PIDD1: variants seen among roughly 807,000 people sequenced by gnomAD.
The protein encoded by PIDD1 is p53-induced death domain-containing protein 1.
PIDD1 carries 72 observed loss-of-function variants against 80.0 expected under a neutral mutation model. That is an observed-to-expected ratio of 0.90 (90% CI 0.74 to 1.09). PIDD1 has a LOEUF of 1.09. Among genes scored for constraint, PIDD1 ranks in the 50% least tolerant of loss-of-function variants. The pLI is 0.00. For synonymous variants in PIDD1, 655 were observed against 543.5 expected, an observed-to-expected ratio of 1.21 and a Z score of -2.85; for missense variants, 1,329 against 1,228.3, an observed-to-expected ratio of 1.08 and a Z score of -1.23.
upstream of PIDD1, among the ~76,000 whole-genome samples, chr11:807,849 C>G (rs1169850674): frequency 6.6e-6 from 1 of 152,196 alleles, no homozygotes; most frequent in Non-Finnish European, 1.5e-5. Flanking sequence ...CAACTTGAAT[C>G]TATGTTCCCA....
At position 802,267 on chromosome 11, in the gene PIDD1, G is replaced by C. The variant is rs747776680; in HGVS notation, c.1104C>G (p.Val368=). The change falls in exon 6 of 16, where the codon GTC becomes GTG. Residue 368 remains valine, a synonymous_variant. Transcript: ENST00000347755. ...GCAGGGCGTCATGAGGACCCAGGGG[G>C]ACGAGGCCTGGCTCCGGCAGCAGCA... The part of the protein sequence containing the change: ...YRLLLPEPGL[V]PLGPHDALLS... The C allele has an allele frequency of 1.2e-6, 2 of 1,611,754 alleles. No individual in the cohort carries two copies. Among genetic ancestry groups the C allele is most frequent in the East Asian group, 4.5e-5 (2 of 44,886 alleles).
chr11:803,697 CCCCCACCCCAG>C, intron 2 of PIDD1, 110 bp from the exon 3 acceptor site: 2 of 1,250,076 alleles, frequency 1.6e-6, no homozygotes, highest in Non-Finnish European at 2.2e-6. Context: ...TCCCACCCCA[CCCCCACCCCAG>C]CCAGACAGGG....
Position 801,968 on chromosome 11 carries a change from G to T in PIDD1, c.1299C>A (p.Pro433=). ...DLETYLEEEA[P]QRLWAHCQVP... Reference sequence around the variant, plus strand: ...GGCAGGCCTGGGTGGCCCTCACCTGGGGTGCCTCTTCCTCCAGGTAGGTCT... The same window carrying T: ...GGCAGGCCTGGGTGGCCCTCACCTGTGGTGCCTCTTCCTCCAGGTAGGTCT... The change falls in exon 7 of 16, where the codon CCC becomes CCA. Residue 433 remains proline (P), a synonymous_variant. Coordinates refer to ENST00000347755, the MANE Select transcript of PIDD1 (RefSeq NM_145886.4). 1 of 1,599,868 alleles carries T rather than the reference G, an allele frequency of 6.3e-7. No homozygotes were observed. The highest frequency in any genetic ancestry group is 2.3e-5 in the East Asian group (1 of 44,168).
upstream of PIDD1, among the ~76,000 whole-genome samples, chr11:805,407 C>T (rs1865718196): frequency 6.6e-6 from 1 of 152,210 alleles, no homozygotes; most frequent in African/African-American, 2.4e-5. Flanking sequence ...GGACGCGACC[C>T]GTCCATCTGC....
At position 799,426 on chromosome 11, in the gene PIDD1, C is replaced by T; in HGVS notation, c.2614G>A (p.Val872Ile). Residue 872 changes from valine (V) to isoleucine (I), a missense_variant, in exon 16 of 16, where the codon GTC becomes ATC. By Grantham distance (29) the Val-to-Ile change is conservative. Coordinates refer to ENST00000347755, the MANE Select transcript of PIDD1 (RefSeq NM_145886.4). ...TACTTGCGGCGGCCGAGCTCCAAGA[C>T]TGCGCGCACCTCTTCAGCCACGTCC... ...RQDVAEEVRAVLELGRRKYQD... is the reference protein window; with the variant it reads ...RQDVAEEVRAILELGRRKYQD... The T allele has an allele frequency of 6.2e-7, 1 of 1,611,456 alleles. No homozygotes were observed. Among genetic ancestry groups the T allele is most frequent in the Non-Finnish European group, 8.5e-7 (1 of 1,179,892 alleles).
rs953381104 is a variant in PIDD1, at chr11:800,594, C to G, written c.1990G>C (p.Glu664Gln). The change falls in exon 12 of 16, where the codon GAG becomes CAG. Residue 664 changes from glutamate to glutamine, a missense_variant. Transcript: ENST00000347755. ...PEPSDTVEMF[E>Q]GEEFFAAFER... Reference sequence around the variant, plus strand: ...AAGGCCGCAAAGAACTCTTCGCCCTCGAACATCTCCACCGTGTCAGAGGGC... The same window carrying G: ...AAGGCCGCAAAGAACTCTTCGCCCTGGAACATCTCCACCGTGTCAGAGGGC... 13 of 1,593,176 alleles carry G rather than the reference C, an allele frequency of 8.2e-6. No individual in the cohort carries two copies. The highest frequency in any genetic ancestry group is 1.1e-5 in the Non-Finnish European group (13 of 1,171,342).
At position 799,873 on chromosome 11, in the gene PIDD1, CGGCT is replaced by C; in HGVS notation, c.2412_2415del (p.Ala805TrpfsTer138). 6.2e-7 allele frequency: 1 copy of C among 1,610,980 alleles called. No homozygotes were observed. The highest frequency in any genetic ancestry group is 1.1e-5 in the South Asian group (1 of 90,966). On this transcript the variant is annotated frameshift_variant, in exon 15 of 16. Transcript: ENST00000347755. LOFTEE classifies it high-confidence loss of function. The stretch of plus-strand genomic sequence containing the variant: ...TAGGACACCCCCAGGTGCAGGGCCA[CGGCT>C]GGCCAGTCCAGACCCAGACGCCCAG...
In PIDD1 at chr11:799,357, C is replaced by T. The variant is rs753512279; in HGVS notation, c.2683G>A (p.Ala895Thr). 16 of 1,610,900 alleles carry T rather than the reference C, an allele frequency of 9.9e-6. No individual in the cohort carries two copies. The highest frequency in any genetic ancestry group is 1.2e-5 in the Non-Finnish European group (14 of 1,179,614). ...TGTGGAGCCGAGGAGCCAGGCAGAG[C>T]GGGGTCCTTGGGGGCCAAGCCCATG... ...RRMGLAPKDPALPGSSAPQPP... is the reference protein window; with the variant it reads ...RRMGLAPKDPTLPGSSAPQPP... Residue 895 changes from alanine (A) to threonine (T), a missense_variant, in exon 16 of 16, where the codon GCT (alanine) becomes ACT (threonine). By Grantham distance (58) the Ala-to-Thr change is moderately conservative (BLOSUM62 0). Transcript: ENST00000347755.
At chr11:807,865 C>T (rs2133826156), upstream of PIDD1, among the ~76,000 whole-genome samples, 1 of 152,306 alleles carries the variant, frequency 6.6e-6, no homozygotes, top group Non-Finnish European at 1.5e-5. Context: ...TCCCAGGACG[C>T]AATCCTCAAG....
Position 803,167 on chromosome 11 carries a change from T to G in PIDD1, c.709+7A>C, listed in dbSNP as rs978463298. ...GGCCAGTGTGTCGGGGCGCAGGGGC[T>G]ACTCACCCAGAGAGGCTGGGAGGCT... is the stretch of plus-strand genomic sequence containing the variant. On this transcript the variant is annotated splice_region_variant and intron_variant, in intron 3 of 15. Transcript: ENST00000347755. The G allele has an allele frequency of 3.8e-6, 6 of 1,586,930 alleles. No individual in the cohort carries two copies. The highest frequency in any genetic ancestry group is 1.7e-4 in the Middle Eastern group (1 of 5,910).
upstream of PIDD1, among the ~76,000 whole-genome samples, chr11:808,094 A>T (rs547852133): frequency 6.7e-6 from 1 of 150,092 alleles, no homozygotes; most frequent in South Asian, 2.1e-4. Flanking sequence ...GGGAATAGGG[A>T]CTTTAATAGG....
chr11:800,023 AG>A lies in PIDD1; in HGVS notation c.2275-10del. 1.2e-6 allele frequency: 2 copies of A among 1,612,406 alleles called. No individual in the cohort carries two copies. The highest frequency in any genetic ancestry group is 1.7e-6 in the Non-Finnish European group (2 of 1,179,578). On this transcript the variant is annotated splice_polypyrimidine_tract_variant and intron_variant, in intron 14 of 15. Transcript: ENST00000347755. ...TCGGACCCTCGAAGTCTCTGTTGGA[AG>A]GAAAAAGTGCATTAAGCCCTGGGCT...
At position 804,400 on chromosome 11, in the gene PIDD1, G is replaced by A. The variant is rs1240768815; in HGVS notation, c.-12C>T. The A allele has an allele frequency of 1.3e-6, 2 of 1,573,290 alleles. No homozygotes were observed. Among genetic ancestry groups the A allele is most frequent in the African/African-American group, 2.7e-5 (2 of 74,252 alleles). On this transcript the variant is annotated 5_prime_UTR_variant, in exon 2 of 16. Transcript: ENST00000347755. Reference sequence around the variant, plus strand: ...ACCGTTGCAGCCATCGCCCACCGACGGTCCTTGGAGGCCAGACATGTCCCA... The same window carrying A: ...ACCGTTGCAGCCATCGCCCACCGACAGTCCTTGGAGGCCAGACATGTCCCA...
At chr11:803,631 G>T in intron 2 of PIDD1, 44 bp from the exon 3 acceptor site, 1 of 1,562,186 alleles carries the variant, frequency 6.4e-7, no homozygotes, top group Non-Finnish European at 8.7e-7. Flanking sequence ...GCCAGGGTCC[G>T]AGGTCCCAGA....
chr11:805,577 G>C, upstream of PIDD1: 1 of 970,986 alleles, frequency 1.0e-6, no homozygotes, highest in Non-Finnish European at 1.2e-6. Flanking sequence ...TTCCCAGGCC[G>C]GGGTGACGGG....
rs1375593278 is a variant in PIDD1, at chr11:801,332, G to C, written c.1516C>G (p.Leu506Val). 2 of 1,608,540 alleles carry C rather than the reference G, an allele frequency of 1.2e-6. No individual in the cohort carries two copies. The highest frequency in any genetic ancestry group is 2.2e-5 in the South Asian group (2 of 90,610). ...VRMAGRELQA[L>V]LGEPEAAVSP... Reference sequence around the variant, plus strand: ...ACTGCAGCCTCTGGTTCTCCCAGGAGGGCCTGCAGCTCTCGGCCAGCCATG... The same window carrying C: ...ACTGCAGCCTCTGGTTCTCCCAGGACGGCCTGCAGCTCTCGGCCAGCCATG... The change falls in exon 9 of 16, where the codon CTC (leucine) becomes GTC (valine). Residue 506 changes from leucine (L) to valine (V), a missense_variant. Transcript: ENST00000347755.
rs1304509779 is a variant in PIDD1, at chr11:800,810, C to T, written c.1869G>A (p.Arg623=). 2 of 1,558,906 alleles carry T rather than the reference C, an allele frequency of 1.3e-6. No individual in the cohort carries two copies. Residue 623 remains arginine (R), a synonymous_variant, in exon 11 of 16, where the codon CGG becomes CGA. Coordinates refer to ENST00000347755, the MANE Select transcript of PIDD1 (RefSeq NM_145886.4). ...GCAGGACCTGCTCAGGGTCCCGGCG[C>T]CGCTGCAGAGCGATGAGGTTCACAC... ...LHRVNLIALQ[R]RRDPEQVLLQ...
At position 802,849 on chromosome 11, in the gene PIDD1, A is replaced by G; in HGVS notation, c.752T>C (p.Leu251Pro). 6.3e-7 allele frequency: 1 copy of G among 1,589,020 alleles called. No homozygotes were observed. The highest frequency in any genetic ancestry group is 8.6e-7 in the Non-Finnish European group (1 of 1,168,604). The change falls in exon 4 of 16, where the codon CTC (leucine) becomes CCC (proline). Residue 251 changes from leucine (L) to proline (P), a missense_variant. Coordinates refer to ENST00000347755, the MANE Select transcript of PIDD1 (RefSeq NM_145886.4). The stretch of plus-strand genomic sequence containing the variant: ...CAAGTCAGCTGGCACAGAGGCCAGG[A>G]GGTTGCTGTGCAGGACAAGGAGCCG... ...SLRLLVLHSN[L>P]LASVPADLAR... is the part of the protein sequence containing the mutation.
At position 802,200 on chromosome 11, in the gene PIDD1, G is replaced by A; in HGVS notation, c.1171C>T (p.Gln391Ter). ...LELQPHGVAF[Q>*]QDVGLWLLFT... is the part of the protein sequence containing the mutation. ...CCGCCACGCCCTGTCCATGCCTGCT[G>A]GAAGGCCACCCCATGGGGCTGCAGC... Residue 391 changes from glutamine to a stop codon, truncating the protein, a stop_gained, in exon 6 of 16, where the codon CAG (glutamine) becomes TAG (stop). Coordinates refer to ENST00000347755, the MANE Select transcript of PIDD1 (RefSeq NM_145886.4). LOFTEE classifies it high-confidence loss of function. The A allele has an allele frequency of 6.2e-7, 1 of 1,604,112 alleles. No individual in the cohort carries two copies. Among genetic ancestry groups the A allele is most frequent in the Non-Finnish European group, 8.5e-7 (1 of 1,176,074 alleles).
Sources: allele counts gnomAD v4.1 joint callset (sites outside exome capture counted in the v4.1 genomes callset), GRCh38; gene constraint gnomAD v4.1.1; transcripts MANE v1.5; gene names NCBI Gene and HGNC (gene_info 2026-07-23, HGNC 2026-07-21).